Variants in RIMS2 observed in about 807,000 individuals in gnomAD.
RIMS2 encodes regulating synaptic membrane exocytosis protein 2.
A neutral mutation model predicts 174.4 loss-of-function variants in RIMS2; 59 were observed. The observed-to-expected ratio is 0.34, with a 90% CI of 0.27 to 0.42. The LOEUF is 0.42. Among genes scored for constraint, RIMS2 ranks in the 10% least tolerant of loss-of-function variants. RIMS2 has a pLI of 1.00. For synonymous variants in RIMS2, 606 were observed against 572.5 expected, an observed-to-expected ratio of 1.06 and a Z score of -0.84; for missense variants, 1,620 against 1,666.3, an observed-to-expected ratio of 0.97 and a Z score of 0.48.
intron 19 of RIMS2, among the ~76,000 whole-genome samples, chr8:104,193,017 A>C (rs777552408): frequency 1.5e-4 from 23 of 151,956 alleles, no homozygotes; most frequent in Non-Finnish European, 3.1e-4. Flanking sequence ...ACGTAGGTAT[A>C]CACTGAGAGA....
At chr8:103,795,585 T>C (rs891254102) in intron 3 of RIMS2, among the ~76,000 whole-genome samples, 2 of 151,812 alleles carry the variant, frequency 1.3e-5, no homozygotes, top group African/African-American at 4.8e-5. Flanking sequence ...ATAATAATAA[T>C]GATGAAAAAT....
intron 3 of RIMS2, among the ~76,000 whole-genome samples, chr8:103,844,990 C>T (rs1333230523): frequency 6.6e-6 from 1 of 152,068 alleles, no homozygotes; most frequent in Non-Finnish European, 1.5e-5. Context: ...AGACTTCCAA[C>T]TTCAAGATTT....
intron 17 of RIMS2, among the ~76,000 whole-genome samples, chr8:103,991,848 A>AT (rs748176785): frequency 6.6e-5 from 10 of 152,156 alleles, no homozygotes; most frequent in Non-Finnish European, 1.5e-4. Flanking sequence ...TTGACACTTG[A>AT]TTTTCTTATC....
rs553856565 is a variant in RIMS2, at chr8:104,152,995, A to G, written c.3335-91921A>G. On this transcript the variant is annotated intron_variant, in intron 19 of 23. Transcript: ENST00000504942. The stretch of plus-strand genomic sequence containing the variant: ...ACAACTTACCTCCCTTCTGAAGAGT[A>G]GAAACTCAGCAAAACGGGGTCTTCC... Among the ~76,000 whole-genome samples, 34 of 152,306 alleles carry G rather than the reference A, an allele frequency of 2.2e-4. 1 individual carries two copies. In the South Asian group the frequency reaches 7.0e-3, roughly 32 times the overall value.
At chr8:103,753,518 G>C (rs967395455) in intron 2 of RIMS2, among the ~76,000 whole-genome samples, 1 of 152,156 alleles carries the variant, frequency 6.6e-6, no homozygotes, top group Admixed American at 6.5e-5. Context: ...AATGGTACCA[G>C]TTCCTCCTTA....
At chr8:103,856,146 T>G (rs1204964506) in intron 3 of RIMS2, among the ~76,000 whole-genome samples, 1 of 152,206 alleles carries the variant, frequency 6.6e-6, no homozygotes, top group Non-Finnish European at 1.5e-5. Flanking sequence ...TACATTTTAG[T>G]AGTTTAAAAT....
At chr8:103,901,864 C>T (rs1197845353) in intron 4 of RIMS2, among the ~76,000 whole-genome samples, 3 of 152,176 alleles carry the variant, frequency 2.0e-5, no homozygotes, top group Admixed American at 2.0e-4. Flanking sequence ...TCTAGATCTA[C>T]TGACATTTTG....
chr8:103,936,993 G>C (rs1396279793), intron 13 of RIMS2, among the ~76,000 whole-genome samples: 1 of 152,080 alleles, frequency 6.6e-6, no homozygotes, highest in Admixed American at 6.5e-5. Flanking sequence ...AGCTACTCGG[G>C]AGGCTGAGGC....
intron 3 of RIMS2, among the ~76,000 whole-genome samples, chr8:103,856,661 A>G (rs1033625396): frequency 2.6e-5 from 4 of 152,232 alleles, no homozygotes; most frequent in African/African-American, 9.6e-5. Context: ...TTAAACAACC[A>G]AAGCACTGAT....
At position 104,037,615 on chromosome 8, in the gene RIMS2, C is replaced by T. The variant is rs1021327445; in HGVS notation, c.3334+23000C>T. On this transcript the variant is annotated intron_variant, in intron 19 of 23. Coordinates refer to ENST00000504942, the Ensembl canonical transcript of RIMS2. ...CTTTTTTAAGTTGATTACAGATGAT[C>T]ATTTCTGTTTGAACTTGAGACATGT... Among the ~76,000 whole-genome samples, 14 of 152,188 alleles carry T rather than the reference C, an allele frequency of 9.2e-5. 2 individuals carry two copies. The South Asian group carries it at 2.9e-3, about 32-fold the overall frequency.
intron 19 of RIMS2, among the ~76,000 whole-genome samples, chr8:104,062,700 A>G (rs569059045): frequency 2.0e-5 from 3 of 152,230 alleles, no homozygotes; most frequent in African/African-American, 7.2e-5. Flanking sequence ...ACTTCATTTG[A>G]TACATACTTA....
intron 3 of RIMS2, among the ~76,000 whole-genome samples, chr8:103,783,999 TG>T (rs2098417168): frequency 6.6e-6 from 1 of 151,904 alleles, no homozygotes; most frequent in Non-Finnish European, 1.5e-5. Flanking sequence ...GGTTTTGATT[TG>T]CATTTCTCTG....
chr8:103,642,942 G>A (rs972545008), intron 1 of RIMS2, among the ~76,000 whole-genome samples: 2 of 151,848 alleles, frequency 1.3e-5, no homozygotes, highest in East Asian at 3.9e-4. Context: ...TGGATTCATG[G>A]TTTGGTGTTT....
At chr8:103,663,911 G>T (rs2096634734) in intron 1 of RIMS2, among the ~76,000 whole-genome samples, 1 of 152,298 alleles carries the variant, frequency 6.6e-6, no homozygotes, top group South Asian at 2.1e-4. Flanking sequence ...AACCAAAACA[G>T]CATGGTACTG....
chr8:103,720,621 T>G (rs943506778), intron 2 of RIMS2, among the ~76,000 whole-genome samples: 2 of 152,194 alleles, frequency 1.3e-5, no homozygotes, highest in Non-Finnish European at 1.5e-5. Flanking sequence ...ATTGTAAACC[T>G]GACGAAGACC....
At chr8:103,880,252 T>G (rs1027849885) in intron 3 of RIMS2, among the ~76,000 whole-genome samples, 8 of 151,674 alleles carry the variant, frequency 5.3e-5, no homozygotes, top group Non-Finnish European at 8.9e-5. Context: ...TATAAATTTC[T>G]AAATCCACCA....
chr8:103,586,827 G>A (rs545896709), intron 1 of RIMS2, among the ~76,000 whole-genome samples: 4 of 151,584 alleles, frequency 2.6e-5, no homozygotes, highest in East Asian at 1.9e-4. Context: ...TAAAAAAATC[G>A]ACAAATCTTT....
chr8:103,640,215 A>G (rs1274308601), intron 1 of RIMS2, among the ~76,000 whole-genome samples: 1 of 151,818 alleles, frequency 6.6e-6, no homozygotes, highest in African/African-American at 2.4e-5. Flanking sequence ...TTTTAATGTC[A>G]TGTGATCAGA....
chr8:103,860,028 T>C (rs926251489), intron 3 of RIMS2, among the ~76,000 whole-genome samples: 3 of 152,126 alleles, frequency 2.0e-5, no homozygotes, highest in Admixed American at 6.6e-5. Context: ...TCCAGTAATA[T>C]CTACCATAAT....
Sources: allele counts gnomAD v4.1 joint callset (sites outside exome capture counted in the v4.1 genomes callset), GRCh38; gene constraint gnomAD v4.1.1; transcripts MANE v1.5; gene names NCBI Gene and HGNC (gene_info 2026-07-23, HGNC 2026-07-21).